The following DENND4C variants were observed in gnomAD, a reference collection of about 807,000 sequenced individuals.
DENND4C encodes the protein DENN domain-containing protein 4C.
A neutral mutation model predicts 203.0 loss-of-function variants in DENND4C; 108 were observed. The observed-to-expected ratio is 0.53, with a 90% confidence interval of 0.46 to 0.62. DENND4C has a LOEUF of 0.62. Among genes scored for constraint, DENND4C ranks in the 20% least tolerant of loss-of-function variants. DENND4C has a pLI of 0.00. For synonymous variants in DENND4C, 871 were observed against 792.4 expected (o/e 1.10, Z -1.67); for missense variants, 2,481 against 2,301.2 (o/e 1.08, Z -1.60).
chr9:19,297,932 C>T (rs1837790552), intron 6 of DENND4C, 124 bp from the exon 7 acceptor site: 1 of 706,410 alleles, frequency 1.4e-6, no homozygotes, highest in East Asian at 2.9e-5. Flanking sequence ...CTTACTTAGC[C>T]TACATTTTAG....
chr9:19,262,530 C>A (rs911507627), intron 1 of DENND4C, among the ~76,000 whole-genome samples: 1 of 151,734 alleles, frequency 6.6e-6, no homozygotes, highest in Non-Finnish European at 1.5e-5. Context: ...CTCCCAGGTT[C>A]ACATGATTCT....
At chr9:19,235,867 G>T (rs1226423609) in intron 1 of DENND4C, among the ~76,000 whole-genome samples, 1 of 151,658 alleles carries the variant, frequency 6.6e-6, no homozygotes, top group Non-Finnish European at 1.5e-5. Context: ...CAAAGTGCTG[G>T]GATTACAGGT....
At chr9:19,279,674 C>G (rs1270430836) in intron 2 of DENND4C, among the ~76,000 whole-genome samples, 1 of 148,208 alleles carries the variant, frequency 6.7e-6, no homozygotes, top group African/African-American at 2.5e-5. Flanking sequence ...GAAACTCCTT[C>G]TCAAGACAAA....
At chr9:19,367,301 C>G (rs1451228319) in intron 30 of DENND4C, among the ~76,000 whole-genome samples, 1 of 152,186 alleles carries the variant, frequency 6.6e-6, no homozygotes, top group Non-Finnish European at 1.5e-5. Flanking sequence ...AAATGGCAAA[C>G]CATATGAGTT....
chr9:19,372,302 T>C lies in DENND4C; in HGVS notation c.*129T>C, dbSNP rs1803600643. 2.7e-6 allele frequency: 3 copies of C among 1,104,310 alleles called. No homozygotes were observed. In the South Asian group the frequency reaches 5.3e-5, roughly 20 times the overall value. 68.4% of individuals were successfully genotyped at this position (1,104,310 alleles called of 1,614,324 possible). Reference sequence around the variant, plus strand: ...ATTGAAGTAACTCTTGGGGACAATATATAATGAATTATGATTCATATTGCA... The same window carrying C: ...ATTGAAGTAACTCTTGGGGACAATACATAATGAATTATGATTCATATTGCA... On this transcript the variant is annotated 3_prime_UTR_variant, in exon 33 of 33. Coordinates refer to ENST00000434457, the MANE Select transcript of DENND4C (RefSeq NM_001330640.2).
rs771604310 is a variant in DENND4C at position 19,358,172 on chromosome 9, C to A, written c.5160+12C>A. On this transcript the variant is annotated intron_variant, in intron 28 of 32. Coordinates refer to ENST00000434457, the MANE Select transcript of DENND4C (RefSeq NM_001330640.2). The surrounding 1 kb of genome is among the most constrained non-coding windows in gnomAD (Gnocchi z 4.8). ...TGCAGGAAGTTGTGGTATGTAACAA[C>A]AACAACATTGTAATTATACTGCATA... 8.7e-6 allele frequency: 14 copies of A among 1,606,782 alleles called. No homozygotes were observed. Among genetic ancestry groups the A allele is most frequent in the African/African-American group, 1.3e-5 (1 of 74,816 alleles).
At position 19,357,029 on chromosome 9, in the gene DENND4C, G is replaced by T. The variant is rs746649704; in HGVS notation, c.4839G>T (p.Leu1613Phe). The T allele has an allele frequency of 6.2e-7, 1 of 1,613,780 alleles. No individual in the cohort carries two copies. Among genetic ancestry groups the T allele is most frequent in the Non-Finnish European group, 8.5e-7 (1 of 1,179,894 alleles). Residue 1613 changes from leucine to phenylalanine, a missense_variant, in exon 27 of 33, where the codon TTG (leucine) becomes TTT (phenylalanine). This residue lies in a region of DENND4C where 2,289 missense variants were observed against 2,113.3 expected (regional missense o/e 1.08). Coordinates refer to ENST00000434457, the MANE Select transcript of DENND4C (RefSeq NM_001330640.2). The stretch of plus-strand genomic sequence containing the variant: ...GTTTACAAAGTGGAAGCATTCCATT[G>T]GCAAATGAATCCTTGGAGCACAAAC... The part of the protein sequence containing the change: ...GDSLQSGSIP[L>F]ANESLEHKPV...
intron 1 of DENND4C, among the ~76,000 whole-genome samples, chr9:19,246,580 A>G (rs1825329513): frequency 6.6e-6 from 1 of 151,496 alleles, no homozygotes; most frequent in African/African-American, 2.4e-5. Context: ...AGTATTGCAC[A>G]TAGTGTTTTT....
chr9:19,355,652 A>G (rs915773163), intron 26 of DENND4C, among the ~76,000 whole-genome samples: 1 of 151,942 alleles, frequency 6.6e-6, no homozygotes, highest in South Asian at 2.1e-4. Flanking sequence ...TGTTGTTTTC[A>G]TCACTTGGTC....
rs770932231 is a variant in DENND4C, at chr9:19,346,212, G to A, written c.3443G>A (p.Ser1148Asn). ...TSLLHIARTH[S>N]FENVSCHLPD... Reference sequence around the variant, plus strand: ...CTACTTCATATTGCAAGAACCCATAGCTTTGAGAATGTTAGCTGTCACCTA... The same window carrying A: ...CTACTTCATATTGCAAGAACCCATAACTTTGAGAATGTTAGCTGTCACCTA... Residue 1148 changes from serine (S) to asparagine (N), a missense_variant, in exon 23 of 33, where the codon AGC (serine) becomes AAC (asparagine). Around this residue, in one of 3 missense-constraint regions of DENND4C, gnomAD observed 2,289 missense variants for 2,113.3 expected, o/e 1.08. Coordinates refer to ENST00000434457, the MANE Select transcript of DENND4C (RefSeq NM_001330640.2). 5 of 1,614,190 alleles carry A rather than the reference G, an allele frequency of 3.1e-6. No homozygotes were observed. In the Admixed American group the frequency reaches 8.3e-5, roughly 27 times the overall value.
intron 4 of DENND4C, among the ~76,000 whole-genome samples, chr9:19,289,699 C>T (rs9695076): frequency 0.23 from 35,210 of 151,486 alleles, 4,332 homozygotes; most frequent in East Asian, 0.43. Context: ...CGTGGTGGCA[C>T]GCATCTGTAG....
At chr9:19,368,758 C>A (rs1404814121) in intron 30 of DENND4C, among the ~76,000 whole-genome samples, 2 of 152,048 alleles carry the variant, frequency 1.3e-5, no homozygotes, top group Non-Finnish European at 2.9e-5. Flanking sequence ...TGTGATTGCA[C>A]GACTTCACTC....
intron 2 of DENND4C, among the ~76,000 whole-genome samples, chr9:19,281,111 TGTGAATC>T (rs1195072905): frequency 1.3e-5 from 2 of 152,186 alleles, no homozygotes; most frequent in African/African-American, 4.8e-5. Flanking sequence ...GACTGAAAGA[TGTGAATC>T]TCTGCAAAAT....
intron 1 of DENND4C, among the ~76,000 whole-genome samples, chr9:19,232,263 GT>G (rs970824030): frequency 4.1e-5 from 6 of 147,938 alleles, no homozygotes; most frequent in Non-Finnish European, 7.5e-5. Context: ...GCTTTGACTT[GT>G]TTTTTTTTTC....
At chr9:19,233,156 T>C (rs1190763911) in intron 1 of DENND4C, among the ~76,000 whole-genome samples, 2 of 152,202 alleles carry the variant, frequency 1.3e-5, no homozygotes, top group African/African-American at 2.4e-5. Flanking sequence ...TCATTTGTTT[T>C]TTTGATTTGC....
At chr9:19,338,920 A>G (rs1322711731) in intron 20 of DENND4C, among the ~76,000 whole-genome samples, 1 of 152,230 alleles carries the variant, frequency 6.6e-6, no homozygotes, top group Non-Finnish European at 1.5e-5. Context: ...TTTTATTGAC[A>G]TCTTTATACT....
At chr9:19,261,477 G>A (rs1733681042) in intron 1 of DENND4C, among the ~76,000 whole-genome samples, 1 of 147,844 alleles carries the variant, frequency 6.8e-6, no homozygotes, top group Admixed American at 6.8e-5. Context: ...ACAACTTTGA[G>A]TCTTTCAATC....
At chr9:19,313,487 G>A (rs755031355) in intron 10 of DENND4C, among the ~76,000 whole-genome samples, 5 of 152,316 alleles carry the variant, frequency 3.3e-5, no homozygotes, top group Non-Finnish European at 5.9e-5. Flanking sequence ...TGTTAATCCA[G>A]ACGATAATGA....
At position 19,341,040 on chromosome 9, in the gene DENND4C, A is replaced by G. The variant is rs1489432983; in HGVS notation, c.2930A>G (p.Asp977Gly). Residue 977 changes from aspartate (D) to glycine (G), a missense_variant, in exon 21 of 33, where the codon GAT becomes GGT. By Grantham distance (94) the Asp-to-Gly change is moderately conservative. Around this residue, in one of 3 missense-constraint regions of DENND4C, gnomAD observed 2,289 missense variants for 2,113.3 expected, o/e 1.08. Coordinates refer to ENST00000434457, the MANE Select transcript of DENND4C (RefSeq NM_001330640.2). The part of the protein sequence containing the change: ...GYGSKDELIK[D>G]DAEIHVPEEQ... The stretch of plus-strand genomic sequence containing the variant: ...GGGTCTAAGGATGAACTTATAAAGG[A>G]TGATGCAGAAATTCATGTGCCTGAA... 6.2e-6 allele frequency: 10 copies of G among 1,613,222 alleles called. No homozygotes were observed. Among genetic ancestry groups the G allele is most frequent in the Admixed American group, 5.0e-5 (3 of 59,924 alleles).
Sources: allele counts gnomAD v4.1 joint callset (sites outside exome capture counted in the v4.1 genomes callset), GRCh38; gene constraint gnomAD v4.1.1; regional missense constraint gnomAD v4.1.1; non-coding constraint Gnocchi (gnomAD v3.1); transcripts MANE v1.5; gene names NCBI Gene and HGNC (gene_info 2026-07-23, HGNC 2026-07-21).